The following ZNF557 variants were observed in gnomAD, a reference collection of about 807,000 sequenced individuals.
ZNF557 encodes zinc finger protein 557, also known as CTB-25J19.9.
In ZNF557, 19 loss-of-function variants were observed where a neutral mutation model predicts 21.2. The observed-to-expected ratio is 0.90, with a 90% confidence interval of 0.63 to 1.32. The LOEUF (loss-of-function observed/expected upper bound fraction) is 1.32, where lower values mean the gene tolerates loss of function less well. ZNF557 is among the 40% of genes most tolerant of loss of function. The pLI is 0.00. For synonymous variants in ZNF557, 207 were observed against 194.8 expected (o/e 1.06, Z -0.52); for missense variants, 487 against 519.8 (o/e 0.94, Z 0.61).
intron 5 of ZNF557, among the ~76,000 whole-genome samples, chr19:7,081,145 TGTG>T (rs971039950): frequency 6.9e-6 from 1 of 143,920 alleles, no homozygotes. Flanking sequence ...AGATATTGCT[TGTG>T]GGGTGTGTGT....
rs1977757064 is a variant in ZNF557, at chr19:7,083,246, A to G, written c.795A>G (p.Lys265=). ...LRIHTGEKPY[K]CNQCFREFRT... is the part of the protein sequence containing the mutation. The stretch of plus-strand genomic sequence containing the variant: ...TTCACACTGGAGAAAAACCGTACAA[A>G]TGTAACCAGTGTTTTCGTGAGTTCC... The change falls in exon 8 of 8, where the codon AAA becomes AAG. Residue 265 remains lysine (K), a synonymous_variant. Coordinates refer to ENST00000252840, the MANE Select transcript of ZNF557 (RefSeq NM_024341.3). 6.2e-7 allele frequency: 1 copy of G among 1,614,090 alleles called. No homozygotes were observed. The highest frequency in any genetic ancestry group is 1.3e-5 in the African/African-American group (1 of 74,930).
intron 1 of ZNF557, 62 bp from the exon 2 acceptor site, chr19:7,070,500 A>G (rs146648067): frequency 3.3e-5 from 5 of 152,316 alleles, no homozygotes; most frequent in South Asian, 2.1e-4. Context: ...ACATTTTACT[A>G]TACGTACATA....
At chr19:7,080,099 G>A (rs1473708342) in intron 5 of ZNF557, among the ~76,000 whole-genome samples, 1 of 152,048 alleles carries the variant, frequency 6.6e-6, no homozygotes, top group Non-Finnish European at 1.5e-5. Flanking sequence ...GTCAGGAGTT[G>A]GAGACCAGCC....
chr19:7,072,802 G>T (rs1977489131), intron 2 of ZNF557, among the ~76,000 whole-genome samples: 1 of 152,198 alleles, frequency 6.6e-6, no homozygotes, highest in South Asian at 2.1e-4. Context: ...TGCAGCAGCA[G>T]GTCTGTGTGT....
rs746956116 is a variant in ZNF557, at chr19:7,081,469, G to A, written c.343+14G>A. The A allele has an allele frequency of 3.2e-6, 5 of 1,574,490 alleles. No individual in the cohort carries two copies. Among genetic ancestry groups the A allele is most frequent in the Admixed American group, 1.7e-5 (1 of 59,476 alleles). On this transcript the variant is annotated intron_variant, in intron 6 of 7. Coordinates refer to ENST00000252840, the MANE Select transcript of ZNF557 (RefSeq NM_024341.3). ...GTACCTGTCCAGGTGAGCACCAGGT[G>A]GATATAAGTCCTTGTGAGGAACAGC...
At chr19:7,081,312 G>C (rs1977699785) in intron 5 of ZNF557, 48 bp from the exon 6 acceptor site, 1 of 1,303,066 alleles carries the variant, frequency 7.7e-7, no homozygotes, top group South Asian at 1.2e-5. Context: ...GGGAGAGCTT[G>C]TCTGCTGCAC....
At chr19:7,080,178 C>T (rs1341480243) in intron 5 of ZNF557, among the ~76,000 whole-genome samples, 2 of 152,096 alleles carry the variant, frequency 1.3e-5, no homozygotes, top group Admixed American at 6.6e-5. Flanking sequence ...GTGGCAAATG[C>T]TTGTAATCCC....
At chr19:7,077,980 T>C (rs773525114) in intron 5 of ZNF557, among the ~76,000 whole-genome samples, 34 of 152,116 alleles carry the variant, frequency 2.2e-4, no homozygotes, top group Non-Finnish European at 3.5e-4. Flanking sequence ...AAGTGCTTTT[T>C]CCATTTGGGG....
intron 5 of ZNF557, among the ~76,000 whole-genome samples, 198 bp from the exon 6 acceptor site, chr19:7,081,150 GGTGTGTGTGTGT>G (rs531191945): frequency 0.015 from 2,116 of 139,154 alleles, 16 homozygotes; most frequent in South Asian, 0.028. Context: ...TTGCTTGTGG[GGTGTGTGTGTGT>G]GTGTGTGTGT....
At chr19:7,080,303 TGTG>T (rs1977673021) in intron 5 of ZNF557, among the ~76,000 whole-genome samples, 1 of 151,966 alleles carries the variant, frequency 6.6e-6, no homozygotes, top group Admixed American at 6.6e-5. Flanking sequence ...GACTCCATCT[TGTG>T]GGGGAAAAGA....
Position 7,082,013 on chromosome 19 carries a change from G to C in ZNF557, c.387G>C (p.Leu129=). Residue 129 remains leucine (L), a synonymous_variant, in exon 7 of 8, where the codon CTG becomes CTC. Transcript: ENST00000252840. ...PFKAKGLTPK[L]HVFRKEQSRN... is the part of the protein sequence containing the mutation. The stretch of plus-strand genomic sequence containing the variant: ...AAGCCAAAGGGTTAACTCCTAAGCT[G>C]CATGTTTTTCGAAAAGAACAATCTA... The C allele has an allele frequency of 6.2e-7, 1 of 1,613,924 alleles. No homozygotes were observed. Among genetic ancestry groups the C allele is most frequent in the East Asian group, 2.2e-5 (1 of 44,878 alleles).
Position 7,076,452 on chromosome 19 carries a change from A to G in ZNF557, c.192A>G (p.Gln64=). Residue 64 remains glutamine, a synonymous_variant, in exon 5 of 8, where the codon CAA becomes CAG. Transcript: ENST00000252840. ...AGTGGGCATTGCTGGACCCTGCCCA[A>G]AGGACACTGTACAGGGACGTGATGC... ...QEEWALLDPA[Q]RTLYRDVMLE... is the part of the protein sequence containing the mutation. 2 of 1,614,200 alleles carry G rather than the reference A, an allele frequency of 1.2e-6. No individual in the cohort carries two copies. Among genetic ancestry groups the G allele is most frequent in the Non-Finnish European group, 1.7e-6 (2 of 1,180,044 alleles).
At chr19:7,074,466 TTCTC>T (rs1239077796) in intron 2 of ZNF557, among the ~76,000 whole-genome samples, 2 of 151,752 alleles carry the variant, frequency 1.3e-5, no homozygotes, top group Non-Finnish European at 2.9e-5. Flanking sequence ...TCTAGAGATC[TTCTC>T]TCTTTTTTTT....
intron 3 of ZNF557, among the ~76,000 whole-genome samples, chr19:7,075,333 C>T (rs1977562509): frequency 6.6e-6 from 1 of 152,198 alleles, no homozygotes; most frequent in African/African-American, 2.4e-5. Context: ...TGAATTCTCC[C>T]TTCAGTTCTT....
Position 7,083,127 on chromosome 19 carries a change from C to A in ZNF557, c.676C>A (p.His226Asn). 6.2e-7 allele frequency: 1 copy of A among 1,614,180 alleles called. No individual in the cohort carries two copies. The highest frequency in any genetic ancestry group is 8.5e-7 in the Non-Finnish European group (1 of 1,180,032). Residue 226 changes from histidine to asparagine, a missense_variant, in exon 8 of 8, where the codon CAT (histidine) becomes AAT (asparagine). By Grantham distance (68) the His-to-Asn change is moderately conservative (BLOSUM62 1). Coordinates refer to ENST00000252840, the MANE Select transcript of ZNF557 (RefSeq NM_024341.3). ...CAGCAGCAGATCTTACCTTACTGTT[C>A]ATAAGAGAATCCACAATGGGGAGAA... is the stretch of plus-strand genomic sequence containing the variant. The part of the protein sequence containing the change: ...TFSSRSYLTV[H>N]KRIHNGEKPY...
At chr19:7,071,044 G>A (rs985406887) in intron 2 of ZNF557, among the ~76,000 whole-genome samples, 3 of 152,162 alleles carry the variant, frequency 2.0e-5, no homozygotes, top group Non-Finnish European at 2.9e-5. Flanking sequence ...GGGATTACAG[G>A]TGTGAGCCAC....
chr19:7,077,544 T>C (rs2145170062), intron 5 of ZNF557, among the ~76,000 whole-genome samples: 1 of 152,364 alleles, frequency 6.6e-6, no homozygotes, highest in East Asian at 1.9e-4. Context: ...TATCATTTCA[T>C]CAGCTGATGG....
intron 5 of ZNF557, among the ~76,000 whole-genome samples, chr19:7,078,310 G>T (rs2914567): frequency 0.86 from 131,356 of 152,142 alleles, 56,797 homozygotes; most frequent in Middle Eastern, 0.89. Context: ...ACAGTTTAAT[G>T]TTAAGGTATC....
At chr19:7,071,168 A>C (rs142837472) in intron 2 of ZNF557, among the ~76,000 whole-genome samples, 4 of 152,312 alleles carry the variant, frequency 2.6e-5, no homozygotes, top group Non-Finnish European at 1.5e-5. Context: ...CTATATGCAA[A>C]TCAGTACACA....
Sources: gnomAD v4.1 joint callset for allele counts (sites outside exome capture counted in the v4.1 genomes callset) on GRCh38, gnomAD v4.1.1 for gene constraint, MANE v1.5 for transcripts, NCBI Gene and HGNC (gene_info 2026-07-23, HGNC 2026-07-21) for gene names.